Variants in KIF2A observed in about 807,000 individuals in gnomAD.
The protein encoded by KIF2A is kinesin-like protein KIF2A.
Under a neutral mutation model 100.2 loss-of-function variants are expected in KIF2A, and 22 were observed. That is an observed-to-expected ratio of 0.22 (90% CI 0.16 to 0.31). The LOEUF (loss-of-function observed/expected upper bound fraction) is 0.31. Ranked by LOEUF, KIF2A falls within the 10% of genes least tolerant of loss-of-function variation. The pLI is 1.00. For missense variants in KIF2A, 495 were observed against 898.7 expected (o/e 0.55, Z 5.74); for synonymous variants, 268 against 285.9 (o/e 0.94, Z 0.63).
intron 1 of KIF2A, among the ~76,000 whole-genome samples, chr5:62,342,229 G>A (rs561211368): frequency 6.6e-6 from 1 of 152,314 alleles, no homozygotes; most frequent in East Asian, 1.9e-4. Context: ...TACTCATGTT[G>A]TAGAGATGGT....
At chr5:62,346,505 C>T (rs780198315) in intron 1 of KIF2A, among the ~76,000 whole-genome samples, 9 of 126,264 alleles carry the variant, frequency 7.1e-5, no homozygotes, top group African/African-American at 1.4e-4. Context: ...TTTGGGAGCC[C>T]GAGGTGGGTG....
At position 62,306,354 on chromosome 5, in the gene KIF2A, C is replaced by T; in HGVS notation, c.-119C>T. 3 of 804,248 alleles carry T rather than the reference C, an allele frequency of 3.7e-6. No homozygotes were observed. Among genetic ancestry groups the T allele is most frequent in the Non-Finnish European group, 6.1e-6 (3 of 495,744 alleles). 49.8% of individuals were successfully genotyped at this position (804,248 alleles called of 1,614,324 possible). A position where few individuals can be genotyped will look rare whatever the true frequency, so the allele number is the denominator to read the frequency against. On this transcript the variant is annotated 5_prime_UTR_variant, in exon 1 of 21. Coordinates refer to ENST00000407818, the MANE Select transcript of KIF2A (RefSeq NM_001098511.3). ...GCCCCGCTTGCGTTCACGCTGTCGC[C>T]CGGGCCGGCGCGGCCGCGGGCAACC...
At chr5:62,358,674 T>C (rs1748235207) in intron 9 of KIF2A, among the ~76,000 whole-genome samples, 2 of 152,206 alleles carry the variant, frequency 1.3e-5, no homozygotes, top group African/African-American at 4.8e-5. Context: ...ATAAAGAAAC[T>C]TGAAATGTTT....
intron 14 of KIF2A, 71 bp from the exon 15 acceptor site, chr5:62,365,172 T>C: frequency 1.4e-6 from 1 of 738,528 alleles, no homozygotes. Context: ...AGAGACCTTT[T>C]AAAATATGTT....
At chr5:62,334,297 G>A (rs1018420147) in intron 1 of KIF2A, among the ~76,000 whole-genome samples, 2 of 151,866 alleles carry the variant, frequency 1.3e-5, no homozygotes, top group Non-Finnish European at 2.9e-5. Flanking sequence ...AGGTCATGAT[G>A]CCCCAGGACT....
intron 1 of KIF2A, among the ~76,000 whole-genome samples, chr5:62,341,306 A>AC (rs1747277893): frequency 6.9e-6 from 1 of 145,410 alleles, no homozygotes; most frequent in African/African-American, 2.5e-5. Flanking sequence ...TGTCTCCTTG[A>AC]TTTTTTTTTT....
At chr5:62,329,767 G>A (rs1746544603) in intron 1 of KIF2A, among the ~76,000 whole-genome samples, 1 of 151,994 alleles carries the variant, frequency 6.6e-6, no homozygotes, top group Non-Finnish European at 1.5e-5. Context: ...TCCATTTTGT[G>A]GTTATGATAA....
intron 1 of KIF2A, among the ~76,000 whole-genome samples, chr5:62,342,998 C>T (rs567529163): frequency 1.2e-4 from 18 of 152,148 alleles, no homozygotes; most frequent in East Asian, 7.7e-4. Context: ...GTGATCTGCC[C>T]GCCTCAGCCT....
intron 19 of KIF2A, among the ~76,000 whole-genome samples, chr5:62,379,280 C>T (rs1227931975): frequency 6.6e-6 from 1 of 152,160 alleles, no homozygotes; most frequent in Non-Finnish European, 1.5e-5. Flanking sequence ...TTCTCTATAT[C>T]ATTCCTCTGT....
At chr5:62,359,134 C>T (rs1462718093) in intron 9 of KIF2A, among the ~76,000 whole-genome samples, 1 of 152,090 alleles carries the variant, frequency 6.6e-6, no homozygotes, top group Non-Finnish European at 1.5e-5. Context: ...CTGTATTCAA[C>T]TTAAAAATAA....
intron 15 of KIF2A, among the ~76,000 whole-genome samples, chr5:62,365,571 C>T (rs913271851): frequency 1.3e-5 from 2 of 151,868 alleles, no homozygotes; most frequent in African/African-American, 2.4e-5. Context: ...GCTGGTCTTT[C>T]TTGATTTTCT....
intron 3 of KIF2A, among the ~76,000 whole-genome samples, chr5:62,349,086 T>C (rs75974437): frequency 0.08 from 12,144 of 152,198 alleles, 743 homozygotes; most frequent in East Asian, 0.25. Flanking sequence ...TAGAGGTTAT[T>C]AGTTACCACT....
chr5:62,342,734 C>T (rs1161341442), intron 1 of KIF2A, among the ~76,000 whole-genome samples: 4 of 151,292 alleles, frequency 2.6e-5, no homozygotes, highest in Admixed American at 2.6e-4. Flanking sequence ...TGAAAGTTTT[C>T]ATTATTTTTT....
chr5:62,311,187 A>C (rs975210271), intron 1 of KIF2A, among the ~76,000 whole-genome samples: 1 of 152,238 alleles, frequency 6.6e-6, no homozygotes, highest in Non-Finnish European at 1.5e-5. Flanking sequence ...CAGGAACCTG[A>C]CATGCTTAGC....
chr5:62,384,471 T>C (rs1741925029), intron 20 of KIF2A, among the ~76,000 whole-genome samples: 1 of 152,222 alleles, frequency 6.6e-6, no homozygotes, highest in Admixed American at 6.5e-5. Flanking sequence ...AGTGTTATCC[T>C]GTGCCTTGTA....
At chr5:62,373,485 T>TA (rs1369081761) in intron 17 of KIF2A, among the ~76,000 whole-genome samples, 3 of 152,156 alleles carry the variant, frequency 2.0e-5, no homozygotes, top group African/African-American at 7.2e-5. Context: ...TAATATGAAT[T>TA]ATATAAAGTT....
chr5:62,338,426 T>C (rs928138271), intron 1 of KIF2A, among the ~76,000 whole-genome samples: 5 of 152,136 alleles, frequency 3.3e-5, no homozygotes. Context: ...GTATCTGGGA[T>C]TACAGACACC....
intron 1 of KIF2A, among the ~76,000 whole-genome samples, chr5:62,307,866 C>T (rs1745390471): frequency 6.6e-6 from 1 of 152,156 alleles, no homozygotes; most frequent in Non-Finnish European, 1.5e-5. Context: ...GATCCACCTG[C>T]CTCGGCCTCC....
chr5:62,340,043 A>G (rs560294698), intron 1 of KIF2A, among the ~76,000 whole-genome samples: 1 of 151,740 alleles, frequency 6.6e-6, no homozygotes, highest in South Asian at 2.1e-4. Context: ...GGTTCAAGCA[A>G]TTCTGCATCA....
Sources: gnomAD v4.1 joint callset for allele counts (sites outside exome capture counted in the v4.1 genomes callset) on GRCh38, gnomAD v4.1.1 for gene constraint, MANE v1.5 for transcripts, NCBI Gene and HGNC (gene_info 2026-07-23, HGNC 2026-07-21) for gene names.